AGBL4: variants seen among roughly 807,000 people sequenced by gnomAD.
The protein encoded by AGBL4 is cytosolic carboxypeptidase 6.
In AGBL4, 58 loss-of-function variants were observed where a neutral mutation model predicts 66.4. The observed-to-expected ratio is 0.87, with a 90% confidence interval of 0.71 to 1.09. AGBL4 has a LOEUF of 1.09. Ranked by LOEUF, AGBL4 falls within the 50% of genes least tolerant of loss-of-function variation. AGBL4 has a pLI of 0.00. For missense variants in AGBL4, 579 were observed against 631.0 expected (o/e 0.92, Z 0.88); for synonymous variants, 234 against 222.9 (o/e 1.05, Z -0.44).
rs571399119 is a variant in AGBL4 at position 49,273,462 on chromosome 1, TAA to T, written c.283-27600_283-27599del. On this transcript the variant is annotated intron_variant, in intron 3 of 13. Transcript: ENST00000371839. Reference sequence around the variant, plus strand: ...TGTTACTTTCAATAAAAAATAAAACTAAATATAAAAAATTTAAAAATTATAAG... The same window carrying T: ...TGTTACTTTCAATAAAAAATAAAACTATATAAAAAATTTAAAAATTATAAG... Among the ~76,000 whole-genome samples the T allele has an allele frequency of 2.7e-3, 402 of 150,682 alleles. 2 individuals carry two copies. Among genetic ancestry groups the T allele is most frequent in the African/African-American group, 9.1e-3 (378 of 41,386 alleles).
intron 5 of AGBL4, among the ~76,000 whole-genome samples, chr1:48,975,103 C>T (rs1322445333): frequency 6.6e-6 from 1 of 152,036 alleles, no homozygotes; most frequent in Non-Finnish European, 1.5e-5. Flanking sequence ...TCATAAAAAT[C>T]CAGAAGCCTA....
At chr1:48,776,778 C>T (rs1006396750) in intron 6 of AGBL4, 122 of 1,524,346 alleles carry the variant, frequency 8.0e-5, no homozygotes, top group Non-Finnish European at 1.0e-4. Context: ...GCACGCACGA[C>T]ACGGGCAGCG....
At chr1:48,570,431 G>A (rs17364614) in intron 11 of AGBL4, among the ~76,000 whole-genome samples, 9,520 of 152,280 alleles carry the variant, frequency 0.063, 322 homozygotes, top group South Asian at 0.1. Context: ...AGGCAGTCTG[G>A]ATGTGAGGAC....
At chr1:49,259,059 A>G (rs1334715291) in intron 3 of AGBL4, among the ~76,000 whole-genome samples, 2 of 152,070 alleles carry the variant, frequency 1.3e-5, no homozygotes, top group African/African-American at 4.8e-5. Context: ...CCAAACTAAG[A>G]TCCATAAGTG....
chr1:49,778,273 C>T (rs1644247817), intron 2 of AGBL4, among the ~76,000 whole-genome samples: 1 of 152,124 alleles, frequency 6.6e-6, no homozygotes, highest in Non-Finnish European at 1.5e-5. Flanking sequence ...TCTCCAACTA[C>T]CACCCCACTC....
rs138041120 is a variant in AGBL4, at chr1:49,347,140, G to A, written c.283-101276C>T. ...AGCCCTTGTAGATTTTTTTATCTTT[G>A]TTATCTTCTATATAAACAAGCATTG... is the stretch of plus-strand genomic sequence containing the variant. On this transcript the variant is annotated intron_variant, in intron 3 of 13. Coordinates refer to ENST00000371839, the MANE Select transcript of AGBL4 (RefSeq NM_032785.4). Among the ~76,000 whole-genome samples the A allele has an allele frequency of 5.9e-5, 9 of 151,892 alleles. No homozygotes were observed. In the East Asian group the frequency reaches 1.7e-3, roughly 29 times the overall value.
intron 4 of AGBL4, among the ~76,000 whole-genome samples, chr1:49,086,670 G>A (rs1312760238): frequency 6.6e-6 from 1 of 151,650 alleles, no homozygotes; most frequent in African/African-American, 2.4e-5. Flanking sequence ...CAGCAGAGTG[G>A]GCAACTCCAC....
chr1:49,222,361 G>A (rs1557741970), intron 4 of AGBL4, among the ~76,000 whole-genome samples: 1 of 151,346 alleles, frequency 6.6e-6, no homozygotes, highest in Non-Finnish European at 1.5e-5. Flanking sequence ...AAGGCCATGG[G>A]GCCTATACAG....
At chr1:49,219,965 T>A (rs116037604) in intron 4 of AGBL4, among the ~76,000 whole-genome samples, 1,653 of 152,260 alleles carry the variant, frequency 0.011, 25 homozygotes, top group African/African-American at 0.038. Flanking sequence ...TTTTAGTTTT[T>A]GTTTTTTTTT....
chr1:49,780,538 G>A (rs188754317), intron 2 of AGBL4, among the ~76,000 whole-genome samples: 17 of 151,970 alleles, frequency 1.1e-4, no homozygotes, highest in Admixed American at 5.2e-4. Context: ...TTACAAAAAT[G>A]AATTGTTGGG....
chr1:49,262,496 T>G (rs1372279992), intron 3 of AGBL4, among the ~76,000 whole-genome samples: 10 of 151,994 alleles, frequency 6.6e-5, no homozygotes, highest in East Asian at 1.9e-4. Context: ...GTGGGCAAAG[T>G]ATATGAACAG....
At chr1:49,974,238 T>C (rs1658376609) in intron 1 of AGBL4, among the ~76,000 whole-genome samples, 1 of 151,970 alleles carries the variant, frequency 6.6e-6, no homozygotes, top group Non-Finnish European at 1.5e-5. Context: ...ACAGAAGTGA[T>C]CGTGAGAAAA....
chr1:49,227,437 CA>C (rs1649999312), intron 4 of AGBL4, among the ~76,000 whole-genome samples: 1 of 152,086 alleles, frequency 6.6e-6, no homozygotes, highest in African/African-American at 2.4e-5. Flanking sequence ...CCTGATTCAT[CA>C]AAAAAGTCAT....
In AGBL4 at chr1:49,707,805, C is replaced by A. The variant is rs983639809; in HGVS notation, c.158-10368G>T. 5.9e-5 allele frequency among the ~76,000 whole-genome samples: 9 copies of A among 152,232 alleles called. No individual in the cohort carries two copies. The East Asian group carries it at 1.7e-3, about 29-fold the overall frequency. On this transcript the variant is annotated intron_variant, in intron 2 of 13. Transcript: ENST00000371839. ...CATAAAGGATTTTATTTCTCCTTCA[C>A]TTATAAAGCTTAGTTTGGCCAATAT...
chr1:49,618,751 A>G (rs1645299767), intron 3 of AGBL4, among the ~76,000 whole-genome samples: 1 of 152,178 alleles, frequency 6.6e-6, no homozygotes, highest in African/African-American at 2.4e-5. Context: ...ATCCAGCAAC[A>G]CATCAAAAAG....
chr1:48,717,367 A>T (rs1475505408), intron 6 of AGBL4, among the ~76,000 whole-genome samples: 2 of 152,224 alleles, frequency 1.3e-5, no homozygotes, highest in African/African-American at 4.8e-5. Context: ...TTAAAATTTT[A>T]CATACATAGT....
At chr1:49,256,150 CTTAAAAG>C (rs1283910201) in intron 3 of AGBL4, among the ~76,000 whole-genome samples, 4 of 152,030 alleles carry the variant, frequency 2.6e-5, no homozygotes, top group African/African-American at 9.6e-5. Context: ...TATCCATCAA[CTTAAAAG>C]TTAAAAAACA....
At chr1:49,681,425 C>G in intron 3 of AGBL4, among the ~76,000 whole-genome samples, 1 of 152,114 alleles carries the variant, frequency 6.6e-6, no homozygotes, top group East Asian at 1.9e-4. Flanking sequence ...AGATTCTCCA[C>G]TTGCCTTATA....
At chr1:49,198,233 C>T (rs1414398964) in intron 4 of AGBL4, among the ~76,000 whole-genome samples, 5 of 152,076 alleles carry the variant, frequency 3.3e-5, no homozygotes, top group African/African-American at 9.7e-5. Context: ...AGACTACTTT[C>T]CCACTTTCTC....
Sources: gnomAD v4.1 joint callset for allele counts (sites outside exome capture counted in the v4.1 genomes callset) on GRCh38, gnomAD v4.1.1 for gene constraint, MANE v1.5 for transcripts, NCBI Gene and HGNC (gene_info 2026-07-23, HGNC 2026-07-21) for gene names.